TRIO: variants seen among roughly 807,000 people sequenced by gnomAD.
TRIO encodes the protein trio Rho guanine nucleotide exchange factor, also known as triple functional domain protein.
TRIO carries 58 observed loss-of-function variants against 351.9 expected under a neutral mutation model. The observed-to-expected ratio is 0.16, with a 90% CI of 0.13 to 0.21. The LOEUF is 0.21. Ranked by LOEUF, TRIO falls within the 10% of genes least tolerant of loss-of-function variation. TRIO has a pLI of 1.00. For synonymous variants in TRIO, 1,758 were observed against 1,595.7 expected, an observed-to-expected ratio of 1.10 and a Z score of -2.42; for missense variants, 3,201 against 4,027.8, an observed-to-expected ratio of 0.79 and a Z score of 5.56.
At chr5:14,386,515 G>A (rs532480936) in intron 21 of TRIO, among the ~76,000 whole-genome samples, 15 of 152,216 alleles carry the variant, frequency 9.9e-5, no homozygotes, top group Non-Finnish European at 1.6e-4. Flanking sequence ...TCCTGAATAT[G>A]TGTTAAAAAG....
intron 34 of TRIO, among the ~76,000 whole-genome samples, chr5:14,441,987 T>C (rs1332411059): frequency 5.3e-5 from 8 of 152,162 alleles, no homozygotes; most frequent in Admixed American, 4.6e-4. Context: ...AGCTTCACTT[T>C]GAGGAAAAGG....
At chr5:14,460,138 G>C (rs1321387680) in intron 34 of TRIO, among the ~76,000 whole-genome samples, 1 of 152,072 alleles carries the variant, frequency 6.6e-6, no homozygotes, top group African/African-American at 2.4e-5. Context: ...GGATAGTCTC[G>C]ATCTCCTGAC....
chr5:14,287,918 A>T (rs1297175436), intron 4 of TRIO, among the ~76,000 whole-genome samples: 1 of 152,248 alleles, frequency 6.6e-6, no homozygotes, highest in African/African-American at 2.4e-5. Flanking sequence ...TAAACATCAG[A>T]CAGTGTTAAT....
At chr5:14,247,681 A>G (rs901516415) in intron 1 of TRIO, among the ~76,000 whole-genome samples, 3 of 152,218 alleles carry the variant, frequency 2.0e-5, no homozygotes, top group African/African-American at 7.2e-5. Flanking sequence ...AGTCTGTGCT[A>G]AGAAGAGCAT....
intron 8 of TRIO, among the ~76,000 whole-genome samples, 196 bp downstream of exon 8, chr5:14,304,788 G>A (rs1259040710): frequency 2.0e-5 from 3 of 152,198 alleles, no homozygotes; most frequent in African/African-American, 4.8e-5. Context: ...AAGCAGAATG[G>A]TGTGCAGGCA....
intron 30 of TRIO, 85 bp from the exon 31 acceptor site, chr5:14,400,878 A>T: frequency 3.1e-6 from 4 of 1,303,384 alleles, no homozygotes; most frequent in Non-Finnish European, 4.3e-6. Flanking sequence ...GGCCACAAGT[A>T]ACCAAAACCT....
chr5:14,391,033 T>A, intron 27 of TRIO, 43 bp downstream of exon 27: 1 of 1,503,168 alleles, frequency 6.7e-7, no homozygotes, highest in Non-Finnish European at 9.0e-7. Context: ...TTCCAAGTTG[T>A]GTACATAAAA....
chr5:14,387,401 C>A, intron 21 of TRIO, 37 bp from the exon 22 acceptor site: 1 of 1,560,090 alleles, frequency 6.4e-7, no homozygotes, highest in South Asian at 1.2e-5. Context: ...CAGTCGGATT[C>A]ATTTGCCTCA....
rs548241615 is a variant in TRIO at position 14,225,794 on chromosome 5, C to CG, written c.158-45031_158-45030insG. Among the ~76,000 whole-genome samples the CG allele has an allele frequency of 1.4e-3, 173 of 123,556 alleles. 14 individuals are homozygous for CG. The South Asian group carries it at 0.022, about 15-fold the overall frequency. The allele number at this position is 123,556 out of a possible 152,430, so 81.1% of individuals were successfully genotyped here. ...ATCCCATCATATTCACTGCTCCCAC[C>CG]CCCCCCCCCACCTCCAAGCCCAAAA... On this transcript the variant is annotated intron_variant, in intron 1 of 56. Transcript: ENST00000344204.
chr5:14,488,609 T>G (rs1378542195), intron 48 of TRIO: 4 of 497,102 alleles, frequency 8.0e-6, no homozygotes, highest in African/African-American at 7.6e-5. Context: ...TTTTCCCTGC[T>G]CTCTACCTCC....
At chr5:14,444,264 CA>C (rs917439250) in intron 34 of TRIO, among the ~76,000 whole-genome samples, 1 of 152,144 alleles carries the variant, frequency 6.6e-6, no homozygotes, top group African/African-American at 2.4e-5. Context: ...AGTACTGCCT[CA>C]AATTAAAGCT....
In TRIO at chr5:14,195,621, C is replaced by T. The variant is rs573406108; in HGVS notation, c.157+51739C>T. On this transcript the variant is annotated intron_variant, in intron 1 of 56. Transcript: ENST00000344204. ...CTGAACCAGTTGCTAGTGTGGTGTTCGTCAAATGGTAATTTTTAAATTCTT... is the reference window on the plus strand; with the variant it reads ...CTGAACCAGTTGCTAGTGTGGTGTTTGTCAAATGGTAATTTTTAAATTCTT... Among the ~76,000 whole-genome samples, 10 of 152,262 alleles carry T rather than the reference C, an allele frequency of 6.6e-5. No homozygotes were observed. In the Middle Eastern group the frequency reaches 0.01, roughly 155 times the overall value.
chr5:14,186,203 C>G (rs1790101442), intron 1 of TRIO, among the ~76,000 whole-genome samples: 1 of 152,208 alleles, frequency 6.6e-6, no homozygotes, highest in Admixed American at 6.5e-5. Flanking sequence ...CAGTTTCTCC[C>G]TTGTTTTTCT....
intron 35 of TRIO, 62 bp from the exon 36 acceptor site, chr5:14,462,693 C>T (rs1454838205): frequency 1.6e-5 from 25 of 1,596,564 alleles, no homozygotes; most frequent in Non-Finnish European, 1.9e-5. Context: ...CTCCAAGTAA[C>T]CCTTGGTCCA....
intron 4 of TRIO, among the ~76,000 whole-genome samples, chr5:14,288,368 A>T (rs2152282846): frequency 6.6e-6 from 1 of 152,044 alleles, no homozygotes; most frequent in East Asian, 1.9e-4. Flanking sequence ...CTCTGTGGAG[A>T]TTATTAAAAG....
intron 3 of TRIO, 93 bp downstream of exon 3, chr5:14,280,529 C>A: frequency 9.5e-7 from 1 of 1,057,838 alleles, no homozygotes; most frequent in Non-Finnish European, 1.4e-6. Context: ...TTGTAGCCTG[C>A]ATTCCAGGCA....
chr5:14,501,028 A>G (rs1757258935), intron 53 of TRIO, among the ~76,000 whole-genome samples: 1 of 151,288 alleles, frequency 6.6e-6, no homozygotes, highest in Non-Finnish European at 1.5e-5. Flanking sequence ...TGTTTGGTCC[A>G]CTTTTCTGTA....
At chr5:14,431,020 G>A (rs1160006719) in intron 34 of TRIO, among the ~76,000 whole-genome samples, 1 of 152,186 alleles carries the variant, frequency 6.6e-6, no homozygotes, top group African/African-American at 2.4e-5. Flanking sequence ...CCTGAATTTT[G>A]AATAAGACAG....
At chr5:14,164,827 A>T (rs999840921) in intron 1 of TRIO, among the ~76,000 whole-genome samples, 1 of 152,206 alleles carries the variant, frequency 6.6e-6, no homozygotes, top group Non-Finnish European at 1.5e-5. Context: ...TCTAAGTCCA[A>T]TTCAGCTCTT....
Sources: allele counts gnomAD v4.1 joint callset (sites outside exome capture counted in the v4.1 genomes callset), GRCh38; gene constraint gnomAD v4.1.1; transcripts MANE v1.5; gene names NCBI Gene and HGNC (gene_info 2026-07-23, HGNC 2026-07-21).